The following CWC27 variants were observed in gnomAD, a reference collection of about 807,000 sequenced individuals.
CWC27 encodes the protein spliceosome-associated protein CWC27 homolog.
Under a neutral mutation model 63.6 loss-of-function variants are expected in CWC27, and 47 were observed. The observed-to-expected ratio is 0.74, with a 90% CI of 0.58 to 0.94. CWC27 has a LOEUF of 0.94. CWC27 is among the 40% of genes least tolerant of loss of function. The pLI, the probability that CWC27 is intolerant of heterozygous loss-of-function variation, is 0.00. For missense variants in CWC27, 495 were observed against 554.3 expected (o/e 0.89, Z 1.07); for synonymous variants, 175 against 179.8 (o/e 0.97, Z 0.22).
At chr5:64,960,347 C>T (rs550259513) in intron 11 of CWC27, among the ~76,000 whole-genome samples, 12 of 151,898 alleles carry the variant, frequency 7.9e-5, no homozygotes, top group East Asian at 1.9e-4. Flanking sequence ...TTCCTGCTTT[C>T]GTTTTCTCAT....
At chr5:65,014,826 A>T (rs1303015253) in intron 13 of CWC27, among the ~76,000 whole-genome samples, 2 of 152,248 alleles carry the variant, frequency 1.3e-5, no homozygotes, top group Non-Finnish European at 2.9e-5. Context: ...TGACCAAAGC[A>T]TGTTGAAAGA....
chr5:64,964,117 T>C (rs1319045360), intron 11 of CWC27, among the ~76,000 whole-genome samples: 1 of 152,268 alleles, frequency 6.6e-6, no homozygotes, highest in Non-Finnish European at 1.5e-5. Context: ...CTCAATTTTA[T>C]TATTGTAATT....
intron 13 of CWC27, among the ~76,000 whole-genome samples, chr5:65,008,971 T>A (rs1749897181): frequency 6.6e-6 from 1 of 151,358 alleles, no homozygotes; most frequent in Non-Finnish European, 1.5e-5. Context: ...TATATTTCCA[T>A]AAAGGAATGC....
chr5:64,808,364 C>T (rs1744762761), intron 10 of CWC27: 1 of 982,600 alleles, frequency 1.0e-6, no homozygotes, highest in Admixed American at 6.1e-5. Context: ...TAGTGCAAAC[C>T]TATGTGCACC....
At chr5:64,959,336 A>C (rs1343558284) in intron 11 of CWC27, among the ~76,000 whole-genome samples, 3 of 152,338 alleles carry the variant, frequency 2.0e-5, no homozygotes, top group Middle Eastern at 6.8e-3. Context: ...GTAATAATGA[A>C]AAAATGATAG....
intron 12 of CWC27, among the ~76,000 whole-genome samples, chr5:64,974,924 G>C (rs1749200459): frequency 6.6e-6 from 1 of 152,072 alleles, no homozygotes; most frequent in Non-Finnish European, 1.5e-5. Flanking sequence ...TTAAAAACAA[G>C]GGATACTTTA....
intron 10 of CWC27, chr5:64,844,858 T>G: frequency 2.2e-6 from 1 of 456,374 alleles, no homozygotes; most frequent in South Asian, 1.5e-5. Flanking sequence ...TCTACCCTGA[T>G]AGGGAGGTAA....
intron 9 of CWC27, 55 bp from the exon 10 acceptor site, chr5:64,804,174 A>T: frequency 6.7e-7 from 1 of 1,502,870 alleles, no homozygotes; most frequent in East Asian, 2.3e-5. Context: ...ATAGATCTCT[A>T]GAAATGAAAG....
At chr5:65,017,044 G>A (rs142768479) in intron 13 of CWC27, among the ~76,000 whole-genome samples, 151 of 152,142 alleles carry the variant, frequency 9.9e-4, no homozygotes, top group African/African-American at 3.5e-3. Context: ...ACTTTTCGCC[G>A]GGCACGGTGG....
intron 10 of CWC27, among the ~76,000 whole-genome samples, chr5:64,852,769 G>A (rs1361322822): frequency 1.3e-5 from 2 of 151,244 alleles, no homozygotes; most frequent in African/African-American, 2.4e-5. Flanking sequence ...CACTGCTCCC[G>A]GCCACCTTTT....
At chr5:64,932,207 C>G (rs987220174) in intron 11 of CWC27, among the ~76,000 whole-genome samples, 2 of 151,996 alleles carry the variant, frequency 1.3e-5, no homozygotes, top group African/African-American at 4.8e-5. Context: ...AATAATTTGT[C>G]CAAAATCCCA....
At chr5:64,807,715 G>C in intron 10 of CWC27, 1 of 1,535,884 alleles carries the variant, frequency 6.5e-7, no homozygotes, top group East Asian at 2.4e-5. Context: ...TGTGTCTCCA[G>C]TGCTTCCTTA....
intron 11 of CWC27, among the ~76,000 whole-genome samples, chr5:64,912,859 C>T (rs935792818): frequency 1.3e-5 from 2 of 152,060 alleles, no homozygotes; most frequent in Non-Finnish European, 2.9e-5. Context: ...CAAATAACAC[C>T]AGTCTTACAG....
chr5:64,930,414 A>G (rs1748214354), intron 11 of CWC27, among the ~76,000 whole-genome samples: 1 of 152,152 alleles, frequency 6.6e-6, no homozygotes, highest in Non-Finnish European at 1.5e-5. Context: ...AAAGTGCAAA[A>G]AACAATCATT....
intron 13 of CWC27, among the ~76,000 whole-genome samples, chr5:65,011,634 G>A (rs1749958785): frequency 6.6e-6 from 1 of 152,220 alleles, no homozygotes; most frequent in Non-Finnish European, 1.5e-5. Context: ...GTTTCCTTGT[G>A]TAGACAATGG....
intron 11 of CWC27, among the ~76,000 whole-genome samples, chr5:64,896,215 A>G (rs899653222): frequency 1.3e-5 from 2 of 152,198 alleles, no homozygotes; most frequent in Non-Finnish European, 2.9e-5. Context: ...CTTATTTTCA[A>G]TGGACTGAGG....
At chr5:64,840,417 A>AAG (rs1745800496) in intron 10 of CWC27, among the ~76,000 whole-genome samples, 2 of 99,658 alleles carry the variant, frequency 2.0e-5, no homozygotes, top group Admixed American at 2.0e-4. Flanking sequence ...ATATATATAT[A>AAG]TATATATATA....
intron 10 of CWC27, among the ~76,000 whole-genome samples, chr5:64,811,475 AAATT>A (rs1306319305): frequency 1.3e-5 from 2 of 152,082 alleles, no homozygotes; most frequent in African/African-American, 4.8e-5. Flanking sequence ...TTGTGATTCT[AAATT>A]AATTACATCA....
At chr5:64,847,034 C>T in intron 10 of CWC27, among the ~76,000 whole-genome samples, 1 of 148,184 alleles carries the variant, frequency 6.7e-6, no homozygotes. Context: ...GGCAATAGTA[C>T]ATCCTACATA....
Sources: gnomAD v4.1 joint callset for allele counts (sites outside exome capture counted in the v4.1 genomes callset) on GRCh38, gnomAD v4.1.1 for gene constraint, MANE v1.5 for transcripts, NCBI Gene and HGNC (gene_info 2026-07-23, HGNC 2026-07-21) for gene names.